The following LYPD6B variants were observed in gnomAD, a reference collection of about 807,000 sequenced individuals.
The protein encoded by LYPD6B is ly6/PLAUR domain-containing protein 6B.
A neutral mutation model predicts 22.8 loss-of-function variants in LYPD6B; 17 were observed. That is an observed-to-expected ratio of 0.75 (90% confidence interval 0.51 to 1.12). The LOEUF (loss-of-function observed/expected upper bound fraction) is 1.12, where lower values mean the gene tolerates loss of function less well. Ranked by LOEUF, LYPD6B falls within the 50% of genes most tolerant of loss-of-function variation. The pLI, the probability that LYPD6B is intolerant of heterozygous loss-of-function variation, is 0.00. For synonymous variants in LYPD6B, 106 were observed against 91.6 expected (o/e 1.16, Z -0.90); for missense variants, 221 against 258.3 (o/e 0.86, Z 0.99).
chr2:149,185,619 G>T (rs577069145), intron 3 of LYPD6B, among the ~76,000 whole-genome samples: 1 of 152,310 alleles, frequency 6.6e-6, no homozygotes, highest in South Asian at 2.1e-4. Context: ...GTAAGTAGAA[G>T]GAGGCTGATT....
intron 1 of LYPD6B, among the ~76,000 whole-genome samples, chr2:149,056,419 C>G (rs1683795775): frequency 6.6e-6 from 1 of 152,092 alleles, no homozygotes; most frequent in Non-Finnish European, 1.5e-5. Flanking sequence ...AACAGGTGAC[C>G]AATGTGGGCT....
chr2:149,179,257 G>T (rs534166697), intron 3 of LYPD6B, among the ~76,000 whole-genome samples: 1 of 152,322 alleles, frequency 6.6e-6, no homozygotes, highest in South Asian at 2.1e-4. Flanking sequence ...GAATTAGAAA[G>T]CTCTGCAGTT....
chr2:149,047,700 C>A (rs1163695262), intron 1 of LYPD6B, among the ~76,000 whole-genome samples: 1 of 151,974 alleles, frequency 6.6e-6, no homozygotes, highest in African/African-American at 2.4e-5. Flanking sequence ...ATTATTTTTT[C>A]AAATATTTCT....
chr2:149,166,285 G>T (rs1279473160), intron 3 of LYPD6B, among the ~76,000 whole-genome samples: 4 of 152,150 alleles, frequency 2.6e-5, no homozygotes, highest in Non-Finnish European at 5.9e-5. Flanking sequence ...CCAGTGTCCA[G>T]GTAGAACAGG....
At chr2:149,159,589 CGTGTGTGTGTGT>C (rs60129822) in intron 2 of LYPD6B, among the ~76,000 whole-genome samples, 1 of 145,906 alleles carries the variant, frequency 6.9e-6, no homozygotes, top group Non-Finnish European at 1.5e-5. Flanking sequence ...CATATGTGTG[CGTGTGTGTGTGT>C]GTGTGTGTGT....
intron 1 of LYPD6B, among the ~76,000 whole-genome samples, chr2:149,088,046 G>A (rs1685480327): frequency 6.6e-6 from 1 of 151,956 alleles, no homozygotes; most frequent in Non-Finnish European, 1.5e-5. Flanking sequence ...CATAAACACA[G>A]GATTCGTATC....
intron 2 of LYPD6B, among the ~76,000 whole-genome samples, chr2:149,136,641 G>C (rs188030125): frequency 6.6e-6 from 1 of 152,244 alleles, no homozygotes; most frequent in Admixed American, 6.5e-5. Context: ...AAAACAAATT[G>C]TAAGGGTGTT....
intron 1 of LYPD6B, among the ~76,000 whole-genome samples, chr2:149,107,228 C>CA (rs1360407601): frequency 6.6e-6 from 1 of 152,072 alleles, no homozygotes; most frequent in East Asian, 1.9e-4. Flanking sequence ...CCACAGTAAT[C>CA]AATCAGATAA....
intron 2 of LYPD6B, among the ~76,000 whole-genome samples, chr2:149,155,511 C>T (rs1689639921): frequency 1.3e-5 from 2 of 152,180 alleles, no homozygotes; most frequent in South Asian, 4.1e-4. Context: ...GGCATTACTT[C>T]TAATAGCAAA....
At chr2:149,133,598 C>A (rs112282489) in intron 2 of LYPD6B, among the ~76,000 whole-genome samples, 1 of 152,298 alleles carries the variant, frequency 6.6e-6, no homozygotes, top group African/African-American at 2.4e-5. Context: ...GAAATACATT[C>A]ACATGTCGGC....
intron 1 of LYPD6B, among the ~76,000 whole-genome samples, chr2:149,045,772 G>T (rs1683278931): frequency 2.0e-5 from 3 of 151,810 alleles, no homozygotes; most frequent in Admixed American, 2.0e-4. Flanking sequence ...CATGATTTCT[G>T]TTCTTTTAGA....
chr2:149,045,155 C>T (rs1306305690), intron 1 of LYPD6B, among the ~76,000 whole-genome samples: 1 of 152,004 alleles, frequency 6.6e-6, no homozygotes, highest in Non-Finnish European at 1.5e-5. Context: ...TTGTTAGTTT[C>T]TATCTTTCAA....
intron 3 of LYPD6B, among the ~76,000 whole-genome samples, chr2:149,175,140 C>A (rs1691203181): frequency 1.3e-5 from 2 of 149,896 alleles, no homozygotes; most frequent in African/African-American, 4.9e-5. Flanking sequence ...ATCATTAAGG[C>A]ATTTCATCAT....
chr2:149,169,746 AG>A (rs1690693057), intron 3 of LYPD6B, among the ~76,000 whole-genome samples: 3 of 152,172 alleles, frequency 2.0e-5, no homozygotes, highest in Middle Eastern at 6.3e-3. Context: ...CTTTAAATAC[AG>A]GGTTTTAAGA....
chr2:149,076,990 C>T (rs901900571), intron 1 of LYPD6B, among the ~76,000 whole-genome samples: 1 of 152,120 alleles, frequency 6.6e-6, no homozygotes, highest in Non-Finnish European at 1.5e-5. Context: ...GAAAACATTC[C>T]TAACCCAGTA....
At chr2:149,053,363 A>T (rs1293701175) in intron 1 of LYPD6B, among the ~76,000 whole-genome samples, 2 of 152,206 alleles carry the variant, frequency 1.3e-5, no homozygotes, top group Non-Finnish European at 2.9e-5. Flanking sequence ...TACCTTTAGG[A>T]TATTTCCAAT....
At chr2:149,212,957 T>A in intron 5 of LYPD6B, 35 bp from the exon 6 acceptor site, 1 of 1,603,020 alleles carries the variant, frequency 6.2e-7, no homozygotes, top group Non-Finnish European at 8.5e-7. Flanking sequence ...AATTACCTTG[T>A]TTCTTGGTTT....
At chr2:149,205,043 G>A (rs975761420) in intron 3 of LYPD6B, 17 of 503,340 alleles carry the variant, frequency 3.4e-5, no homozygotes, top group African/African-American at 3.1e-4. Flanking sequence ...AAGCCCACCT[G>A]GCTAGTGCAG....
chr2:149,178,851 C>T (rs1239591463), intron 3 of LYPD6B, among the ~76,000 whole-genome samples: 1 of 152,214 alleles, frequency 6.6e-6, no homozygotes, highest in Non-Finnish European at 1.5e-5. Flanking sequence ...ATGCTCTCCA[C>T]CTTCCCCGAT....
Sources: allele counts gnomAD v4.1 joint callset (sites outside exome capture counted in the v4.1 genomes callset), GRCh38; gene constraint gnomAD v4.1.1; transcripts MANE v1.5; gene names NCBI Gene and HGNC (gene_info 2026-07-23, HGNC 2026-07-21).